Variants in TANC2 observed in about 807,000 individuals in gnomAD.
TANC2 encodes protein TANC2.
TANC2 carries 26 observed loss-of-function variants against 210.5 expected under a neutral mutation model. The ratio of observed to expected loss-of-function variants is 0.12; its 90% confidence interval spans 0.09 to 0.17. The LOEUF (loss-of-function observed/expected upper bound fraction) is 0.17, where lower values mean the gene tolerates loss of function less well. Among genes scored for constraint, TANC2 ranks in the 10% least tolerant of loss-of-function variants. The probability of loss-of-function intolerance (pLI) is 1.00; values close to 1 mark genes in which losing one functional copy is unlikely to be tolerated. For synonymous variants in TANC2, 931 were observed against 967.1 expected, an observed-to-expected ratio of 0.96 and a Z score of 0.69; for missense variants, 2,129 against 2,608.9, an observed-to-expected ratio of 0.82 and a Z score of 4.01.
At chr17:63,208,538 C>T (rs1223437003) in intron 7 of TANC2, among the ~76,000 whole-genome samples, 1 of 152,126 alleles carries the variant, frequency 6.6e-6, no homozygotes, top group Non-Finnish European at 1.5e-5. Flanking sequence ...ATCAATTTGC[C>T]AAATTCATGA....
At chr17:63,243,498 G>A (rs1236801418) in intron 8 of TANC2, among the ~76,000 whole-genome samples, 2 of 152,288 alleles carry the variant, frequency 1.3e-5, no homozygotes, top group Middle Eastern at 3.4e-3. Flanking sequence ...ATTGTATGCA[G>A]CAATGAAAAA....
intron 18 of TANC2, 98 bp downstream of exon 18, chr17:63,396,026 A>T: frequency 8.9e-7 from 1 of 1,120,504 alleles, no homozygotes; most frequent in South Asian, 1.6e-5. Flanking sequence ...TGCCAACCAA[A>T]TTAATGTGAA....
chr17:63,028,150 A>G (rs2034631065), intron 2 of TANC2, among the ~76,000 whole-genome samples: 1 of 152,108 alleles, frequency 6.6e-6, no homozygotes, highest in African/African-American at 2.4e-5. Flanking sequence ...TCTGTAAACC[A>G]AGAATGAACA....
chr17:63,134,959 G>A (rs1015789751), intron 4 of TANC2, among the ~76,000 whole-genome samples: 1 of 152,106 alleles, frequency 6.6e-6, no homozygotes, highest in African/African-American at 2.4e-5. Flanking sequence ...TTACTGTGGC[G>A]CACACCTAGC....
intron 12 of TANC2, among the ~76,000 whole-genome samples, chr17:63,345,914 G>A (rs1276957843): frequency 6.6e-6 from 1 of 152,142 alleles, no homozygotes; most frequent in African/African-American, 2.4e-5. Flanking sequence ...CCACAGACAG[G>A]ATTGTATTCA....
At chr17:63,132,314 G>T (rs1009613144) in intron 4 of TANC2, among the ~76,000 whole-genome samples, 7 of 151,856 alleles carry the variant, frequency 4.6e-5, no homozygotes, top group Non-Finnish European at 1.5e-5. Flanking sequence ...TTAAAAACCA[G>T]AGGTGGCAAG....
At chr17:63,233,432 A>G (rs2042536328) in intron 7 of TANC2, among the ~76,000 whole-genome samples, 1 of 152,226 alleles carries the variant, frequency 6.6e-6, no homozygotes, top group African/African-American at 2.4e-5. Flanking sequence ...GCAGGGTAAC[A>G]CAATCACTCA....
chr17:63,181,065 G>A (rs2040768054), intron 5 of TANC2, among the ~76,000 whole-genome samples: 1 of 146,740 alleles, frequency 6.8e-6, no homozygotes, highest in Non-Finnish European at 1.5e-5. Flanking sequence ...TAGGCATAGT[G>A]ATGTAATTTA....
chr17:63,241,095 T>G (rs2042761502), intron 8 of TANC2, among the ~76,000 whole-genome samples: 1 of 152,216 alleles, frequency 6.6e-6, no homozygotes, highest in Middle Eastern at 3.2e-3. Context: ...ATGATAATTT[T>G]CTTCATCTTA....
intron 14 of TANC2, among the ~76,000 whole-genome samples, chr17:63,371,447 C>T (rs1462760322): frequency 7.1e-6 from 1 of 140,658 alleles, no homozygotes; most frequent in African/African-American, 2.7e-5. Context: ...GCTTGGGCAA[C>T]AAGAGCAAAA....
intron 5 of TANC2, among the ~76,000 whole-genome samples, chr17:63,181,335 G>C (rs1002695251): frequency 1.3e-5 from 2 of 152,182 alleles, no homozygotes; most frequent in African/African-American, 4.8e-5. Flanking sequence ...TGTAGGTTCA[G>C]TTGGCCTAGT....
chr17:63,405,386 C>A, intron 20 of TANC2, 131 bp downstream of exon 20: 1 of 998,710 alleles, frequency 1.0e-6, no homozygotes, highest in African/African-American at 1.6e-5. Flanking sequence ...AGGACTTGGA[C>A]CTTTGTTATG....
chr17:63,203,999 T>A (rs984484006), intron 7 of TANC2, among the ~76,000 whole-genome samples: 3 of 152,154 alleles, frequency 2.0e-5, no homozygotes, highest in Non-Finnish European at 4.4e-5. Context: ...ATATAAAAAA[T>A]ACATATTTAT....
chr17:63,255,781 T>C (rs1222341689), intron 8 of TANC2, among the ~76,000 whole-genome samples: 1 of 152,106 alleles, frequency 6.6e-6, no homozygotes, highest in Non-Finnish European at 1.5e-5. Context: ...TTTTGTATTT[T>C]TTGTTTCAAT....
At chr17:63,119,768 A>T (rs555553411) in intron 4 of TANC2, among the ~76,000 whole-genome samples, 26 of 152,176 alleles carry the variant, frequency 1.7e-4, no homozygotes, top group Non-Finnish European at 3.1e-4. Context: ...TAATTCCAGC[A>T]CTTTGTGAGG....
At chr17:63,030,921 C>G (rs1440120738) in intron 2 of TANC2, among the ~76,000 whole-genome samples, 1 of 151,918 alleles carries the variant, frequency 6.6e-6, no homozygotes, top group African/African-American at 2.4e-5. Flanking sequence ...AAGACAAGAC[C>G]ACCTTAAGTT....
At chr17:62,975,244 A>G (rs1390924246) in intron 1 of TANC2, among the ~76,000 whole-genome samples, 3 of 152,170 alleles carry the variant, frequency 2.0e-5, no homozygotes, top group Non-Finnish European at 4.4e-5. Flanking sequence ...CTAATCTTTC[A>G]TTGGGTGGAG....
At chr17:63,116,056 C>T (rs1329891437) in intron 4 of TANC2, among the ~76,000 whole-genome samples, 2 of 152,018 alleles carry the variant, frequency 1.3e-5, no homozygotes, top group Non-Finnish European at 1.5e-5. Context: ...CAGTGTTGCC[C>T]ATGTAAGAGA....
intron 2 of TANC2, among the ~76,000 whole-genome samples, chr17:63,063,041 G>A (rs945393803): frequency 6.6e-6 from 1 of 152,134 alleles, no homozygotes; most frequent in Non-Finnish European, 1.5e-5. Context: ...AAAAATTGGA[G>A]GTCCCCACAA....
Sources: allele counts gnomAD v4.1 joint callset (sites outside exome capture counted in the v4.1 genomes callset), GRCh38; gene constraint gnomAD v4.1.1; transcripts MANE v1.5; gene names NCBI Gene and HGNC (gene_info 2026-07-23, HGNC 2026-07-21).